The following AFF3 variants were observed in gnomAD, a reference collection of about 807,000 sequenced individuals.
The protein encoded by AFF3 is ALF transcription elongation factor 3.
AFF3 carries 32 observed loss-of-function variants against 129.7 expected under a neutral mutation model. That is an observed-to-expected ratio of 0.25 (90% confidence interval 0.19 to 0.33). The LOEUF (loss-of-function observed/expected upper bound fraction) is 0.33. AFF3 is among the 10% of genes least tolerant of loss of function. The pLI is 1.00. For synonymous variants in AFF3, 644 were observed against 635.4 expected, an observed-to-expected ratio of 1.01 and a Z score of -0.20; for missense variants, 1,373 against 1,592.0, an observed-to-expected ratio of 0.86 and a Z score of 2.34.
At chr2:99,825,720 C>T (rs4481043) in intron 8 of AFF3, among the ~76,000 whole-genome samples, 133,987 of 152,292 alleles carry the variant, frequency 0.88, 59,090 homozygotes, top group African/African-American at 0.95. Flanking sequence ...AAGTGGCAGA[C>T]ACAAAAAGTC....
At chr2:100,031,566 A>G (rs781474675) in intron 4 of AFF3, among the ~76,000 whole-genome samples, 2 of 152,234 alleles carry the variant, frequency 1.3e-5, no homozygotes, top group African/African-American at 2.4e-5. Flanking sequence ...AACCAGGGCC[A>G]CTTGGAAAAA....
intron 8 of AFF3, among the ~76,000 whole-genome samples, chr2:99,791,027 T>C (rs1685151916): frequency 6.6e-6 from 1 of 152,200 alleles, no homozygotes; most frequent in East Asian, 1.9e-4. Flanking sequence ...GTTTGGTAAG[T>C]AAAAGAAACC....
chr2:99,801,304 G>A (rs944354670), intron 8 of AFF3, among the ~76,000 whole-genome samples: 46 of 152,162 alleles, frequency 3.0e-4, no homozygotes, highest in African/African-American at 1.0e-3. Context: ...TTCAAAGTAT[G>A]TCAACTTCAA....
rs1433607025 is a variant in AFF3 at position 99,642,829 on chromosome 2, G to A, written c.1184+6797C>T. Among the ~76,000 whole-genome samples, 2 of 152,094 alleles carry A rather than the reference G, an allele frequency of 1.3e-5. 1 individual carries two copies. The highest frequency in any genetic ancestry group is 2.9e-5 in the Non-Finnish European group (2 of 68,044). On this transcript the variant is annotated intron_variant, in intron 13 of 24. Transcript: ENST00000672756. ...AGTTGCATCACCTGTTCGCGGCTCA[G>A]TTTTCTCATCTGTAAAATGGGCCCC...
At chr2:100,076,061 G>A (rs1208712798) in intron 4 of AFF3, among the ~76,000 whole-genome samples, 1 of 152,162 alleles carries the variant, frequency 6.6e-6, no homozygotes, top group Non-Finnish European at 1.5e-5. Context: ...ATGGGCTGCA[G>A]ACATGTAAAT....
intron 8 of AFF3, among the ~76,000 whole-genome samples, chr2:99,810,877 C>G (rs948589578): frequency 7.9e-5 from 12 of 152,202 alleles, no homozygotes; most frequent in African/African-American, 2.9e-4. Context: ...GCCCCTTTTT[C>G]CATCTTCAAA....
At chr2:100,061,865 G>T (rs963542094) in intron 4 of AFF3, among the ~76,000 whole-genome samples, 7 of 150,314 alleles carry the variant, frequency 4.7e-5, no homozygotes, top group African/African-American at 9.7e-5. Context: ...GGAGGGGGGG[G>T]GGGTGCCGAC....
intron 4 of AFF3, among the ~76,000 whole-genome samples, chr2:100,055,542 G>T (rs1409231182): frequency 2.0e-5 from 3 of 152,074 alleles, no homozygotes; most frequent in African/African-American, 7.2e-5. Context: ...AGTTGGAGGG[G>T]CTGAGGAGGA....
chr2:100,036,156 A>T (rs975819982), intron 4 of AFF3, among the ~76,000 whole-genome samples: 1 of 150,660 alleles, frequency 6.6e-6, no homozygotes, highest in African/African-American at 2.4e-5. Context: ...AAAAAAAAAA[A>T]AAAACAACTT....
At chr2:99,848,761 C>T (rs758701507) in intron 7 of AFF3, among the ~76,000 whole-genome samples, 2 of 152,132 alleles carry the variant, frequency 1.3e-5, no homozygotes, top group East Asian at 1.9e-4. Context: ...TAAAGGCTTA[C>T]AGAAAAATAA....
chr2:99,935,488 AC>A (rs1674442457), intron 7 of AFF3, among the ~76,000 whole-genome samples: 1 of 152,242 alleles, frequency 6.6e-6, no homozygotes, highest in African/African-American at 2.4e-5. Flanking sequence ...AGAACAAAGT[AC>A]CATGAACCTT....
chr2:99,831,311 C>T (rs1688505112), intron 8 of AFF3, among the ~76,000 whole-genome samples: 1 of 152,136 alleles, frequency 6.6e-6, no homozygotes, highest in Non-Finnish European at 1.5e-5. Context: ...GTTCTCATCT[C>T]CAGTAAGTTT....
At chr2:99,604,387 CCACGTGTTCT>C (rs1464500755) in intron 13 of AFF3, among the ~76,000 whole-genome samples, 1 of 152,142 alleles carries the variant, frequency 6.6e-6, no homozygotes, top group Non-Finnish European at 1.5e-5. Flanking sequence ...AAACCAAATG[CCACGTGTTCT>C]CACTTATAAG....
intron 11 of AFF3, among the ~76,000 whole-genome samples, chr2:99,686,483 C>A (rs1264615688): frequency 6.6e-6 from 1 of 152,170 alleles, no homozygotes; most frequent in African/African-American, 2.4e-5. Context: ...TGCCTACTTG[C>A]TAAAGTGTTT....
intron 7 of AFF3, among the ~76,000 whole-genome samples, chr2:99,864,182 CTGCATAACACA>C (rs1234555734): frequency 6.6e-6 from 1 of 152,230 alleles, no homozygotes; most frequent in Non-Finnish European, 1.5e-5. Context: ...CTGATGATGG[CTGCATAACACA>C]GGCAAAAAAC....
intron 4 of AFF3, among the ~76,000 whole-genome samples, chr2:100,030,876 A>G (rs969716807): frequency 6.6e-6 from 1 of 152,188 alleles, no homozygotes; most frequent in Non-Finnish European, 1.5e-5. Flanking sequence ...GAGATTTTTT[A>G]GGGCAGTGAA....
At chr2:99,889,579 C>T (rs903809204) in intron 7 of AFF3, among the ~76,000 whole-genome samples, 1 of 152,160 alleles carries the variant, frequency 6.6e-6, no homozygotes, top group Non-Finnish European at 1.5e-5. Context: ...ATAATGCTAT[C>T]TTTAAAGAAA....
chr2:100,071,534 G>C (rs1452868890), intron 4 of AFF3, among the ~76,000 whole-genome samples: 10 of 152,154 alleles, frequency 6.6e-5, no homozygotes, highest in Admixed American at 6.5e-5. Flanking sequence ...CGTCGGGAGA[G>C]AGGAAGTGTG....
intron 7 of AFF3, among the ~76,000 whole-genome samples, chr2:99,926,286 C>A (rs536480645): frequency 6.6e-6 from 1 of 152,262 alleles, no homozygotes; most frequent in African/African-American, 2.4e-5. Context: ...TTAAGCAGTG[C>A]CATTGCTCCC....
Sources: gnomAD v4.1 joint callset for allele counts (sites outside exome capture counted in the v4.1 genomes callset) on GRCh38, gnomAD v4.1.1 for gene constraint, MANE v1.5 for transcripts, NCBI Gene and HGNC (gene_info 2026-07-23, HGNC 2026-07-21) for gene names.